SNRPF: variants seen among roughly 807,000 people sequenced by gnomAD.
SNRPF encodes small nuclear ribonucleoprotein polypeptide F.
A neutral mutation model predicts 13.4 loss-of-function variants in SNRPF; 1 was observed. The ratio of observed to expected loss-of-function variants is 0.07; its 90% confidence interval spans 0.03 to 0.35. The LOEUF is 0.35. Among genes scored for constraint, SNRPF ranks in the 10% least tolerant of loss-of-function variants. The probability of loss-of-function intolerance (pLI) is 0.99; values close to 1 mark genes in which losing one functional copy is unlikely to be tolerated. For synonymous variants in SNRPF, 27 were observed against 32.1 expected, an observed-to-expected ratio of 0.84 and a Z score of 0.54; for missense variants, 53 against 101.0, an observed-to-expected ratio of 0.52 and a Z score of 2.04.
chr12:95,861,324 T>C, intron 2 of SNRPF, 31 bp downstream of exon 2: 1 of 1,589,770 alleles, frequency 6.3e-7, no homozygotes. Context: ...GGTCATAACA[T>C]TGCATTTATT....
chr12:95,865,084 C>A, intron 2 of SNRPF: 1 of 314,578 alleles, frequency 3.2e-6, no homozygotes, highest in Non-Finnish European at 5.8e-6. Context: ...ATTACATAAC[C>A]TGGGAGATTC....
chr12:95,859,015 A>G lies in SNRPF; in HGVS notation c.-59A>G, dbSNP rs1257213990. The G allele has an allele frequency of 1.7e-5, 27 of 1,607,440 alleles. No individual in the cohort carries two copies. The highest frequency in any genetic ancestry group is 2.2e-5 in the Non-Finnish European group (26 of 1,178,008). ...ACCTGCGGTACCTGCTGTAGTCACGAGGGACGGGCGGCGGCCTGGTCGGCA... is the reference window on the plus strand; with the variant it reads ...ACCTGCGGTACCTGCTGTAGTCACGGGGGACGGGCGGCGGCCTGGTCGGCA... On this transcript the variant is annotated 5_prime_UTR_variant, in exon 1 of 4. Coordinates refer to ENST00000266735, the MANE Select transcript of SNRPF (RefSeq NM_003095.5).
chr12:95,861,361 T>C (rs999523221), intron 2 of SNRPF, 68 bp downstream of exon 2: 8 of 1,405,672 alleles, frequency 5.7e-6, no homozygotes, highest in Non-Finnish European at 6.9e-6. Flanking sequence ...CTCAAAGGTT[T>C]AGTCTGACTA....
At chr12:95,863,202 G>A (rs1465795661) in intron 2 of SNRPF, among the ~76,000 whole-genome samples, 1 of 152,074 alleles carries the variant, frequency 6.6e-6, no homozygotes, top group Non-Finnish European at 1.5e-5. Context: ...GGCCCCCAAA[G>A]CATAGTTTGA....
intron 2 of SNRPF, chr12:95,861,632 A>C: frequency 8.7e-6 from 2 of 230,912 alleles, no homozygotes; most frequent in South Asian, 1.0e-4. Context: ...TTCAAGTGAA[A>C]TTATTGAGTC....
Position 95,859,091 on chromosome 12 carries a change from A to C in SNRPF, c.3+15A>C. 1 of 1,609,732 alleles carries C rather than the reference A, an allele frequency of 6.2e-7. No homozygotes were observed. The highest frequency in any genetic ancestry group is 8.5e-7 in the Non-Finnish European group (1 of 1,177,268). On this transcript the variant is annotated intron_variant, in intron 1 of 3. Transcript: ENST00000266735. ...TGGTTACGATGGTAAGGAGAAAGAGAACGGCGGGAGAAGCGGGGAGAAAGA... is the reference window on the plus strand; with the variant it reads ...TGGTTACGATGGTAAGGAGAAAGAGCACGGCGGGAGAAGCGGGGAGAAAGA...
At chr12:95,859,175 C>A in intron 1 of SNRPF, 99 bp downstream of exon 1, 1 of 1,077,272 alleles carries the variant, frequency 9.3e-7, no homozygotes, top group Non-Finnish European at 1.4e-6. Flanking sequence ...TCCCATTCAT[C>A]CGCGTGAGGC....
chr12:95,860,101 T>A (rs994938559), intron 1 of SNRPF, among the ~76,000 whole-genome samples: 2 of 152,210 alleles, frequency 1.3e-5, no homozygotes, highest in African/African-American at 4.8e-5. Context: ...TCACTGGAGA[T>A]GTTAATGGTT....
intron 2 of SNRPF, 89 bp downstream of exon 2, chr12:95,861,382 A>G (rs544524947): frequency 1.6e-5 from 20 of 1,234,852 alleles, no homozygotes; most frequent in Middle Eastern, 2.5e-4. Context: ...ATAAGAATAC[A>G]TACAATTAAA....
At chr12:95,862,134 G>A (rs2079499251) in intron 2 of SNRPF, among the ~76,000 whole-genome samples, 1 of 152,154 alleles carries the variant, frequency 6.6e-6, no homozygotes, top group African/African-American at 2.4e-5. Context: ...ATCCTTTTGT[G>A]TCTGGCTTGT....
chr12:95,860,221 T>C lies in SNRPF; in HGVS notation c.4-947T>C, dbSNP rs115587396. Among the ~76,000 whole-genome samples the C allele has an allele frequency of 4.1e-3, 627 of 152,342 alleles. 1 individual carries two copies. The highest frequency in any genetic ancestry group is 0.015 in the African/African-American group (610 of 41,580). ...CCCAGTTAAATACTGTCAAGCGTGATCTGCCCTCTGCTTCCTTCTGTAGTT... is the reference window on the plus strand; with the variant it reads ...CCCAGTTAAATACTGTCAAGCGTGACCTGCCCTCTGCTTCCTTCTGTAGTT... On this transcript the variant is annotated intron_variant, in intron 1 of 3. Coordinates refer to ENST00000266735, the MANE Select transcript of SNRPF (RefSeq NM_003095.5).
intron 2 of SNRPF, 145 bp downstream of exon 2, chr12:95,861,438 G>T: frequency 1.6e-6 from 1 of 634,900 alleles, no homozygotes; most frequent in Non-Finnish European, 2.6e-6. Context: ...AAAGCCAGGA[G>T]GGATACTGTG....
At chr12:95,865,180 C>T (rs1329585213) in intron 2 of SNRPF, 144 bp from the exon 3 acceptor site, 5 of 431,702 alleles carry the variant, frequency 1.2e-5, no homozygotes, top group East Asian at 3.4e-5. Flanking sequence ...TAATAGAAAG[C>T]TCATCTTCTG....
At chr12:95,861,542 A>T (rs1170626600) in intron 2 of SNRPF, 3 of 295,506 alleles carry the variant, frequency 1.0e-5, no homozygotes, top group Middle Eastern at 1.1e-3. Context: ...CACTTGATTC[A>T]TAATAATACC....
At position 95,866,008 on chromosome 12, in the gene SNRPF, TA is replaced by T; in HGVS notation, c.200del (p.Asn67IlefsTer18). 1 of 1,491,304 alleles carries T rather than the reference TA, an allele frequency of 6.7e-7. No homozygotes were observed. Among genetic ancestry groups the T allele is most frequent in the Non-Finnish European group, 9.2e-7 (1 of 1,082,780 alleles). 92.4% of individuals were successfully genotyped at this position (1,491,304 alleles called of 1,614,324 possible). On this transcript the variant is annotated frameshift_variant, in exon 4 of 4. Transcript: ENST00000266735. LOFTEE classifies it high-confidence loss of function. ...AATCGACTTTTTCTATTTACAGGTG[TA>T]ATAATGTCCTTTATATCAGAGGTGT... ...GHLGEVLIRC[N>X]NVLYIRGVEE...
rs770369226 is a variant in SNRPF at position 95,859,048 on chromosome 12, G to C, written c.-26G>C. 3 of 1,612,580 alleles carry C rather than the reference G, an allele frequency of 1.9e-6. No homozygotes were observed. The highest frequency in any genetic ancestry group is 2.7e-5 in the African/African-American group (2 of 74,934). On this transcript the variant is annotated 5_prime_UTR_variant, in exon 1 of 4. Transcript: ENST00000266735. ...GCGGCGGCCTGGTCGGCAGAGAGTA[G>C]CCTGCAACATTCGGCCGTGGTTACG...
Position 95,861,236 on chromosome 12 carries a change from G to C in SNRPF, c.72G>C (p.Lys24Asn). 1 of 1,612,718 alleles carries C rather than the reference G, an allele frequency of 6.2e-7. No homozygotes were observed. The highest frequency in any genetic ancestry group is 1.3e-5 in the African/African-American group (1 of 75,008). Residue 24 changes from lysine (K) to asparagine (N), a missense_variant, in exon 2 of 4, where the codon AAG becomes AAC. Transcript: ENST00000266735. ...GAAAGCCAGTGATGGTGAAACTTAA[G>C]TGGGGAATGGAGTACAAGGGCTATC... ...LTGKPVMVKLKWGMEYKGYLV... is the reference protein window; with the variant it reads ...LTGKPVMVKLNWGMEYKGYLV...
chr12:95,865,923 T>C, intron 3 of SNRPF, 82 bp from the exon 4 acceptor site: 2 of 588,870 alleles, frequency 3.4e-6, no homozygotes, highest in Non-Finnish European at 6.0e-6. Context: ...TAGTATTCAG[T>C]ATTTTCATAA....
chr12:95,859,570 G>A (rs2079484471), intron 1 of SNRPF, among the ~76,000 whole-genome samples: 1 of 152,036 alleles, frequency 6.6e-6, no homozygotes, highest in Non-Finnish European at 1.5e-5. Context: ...AGTCAGAGAT[G>A]GCCTCCCTAG....
Sources: gnomAD v4.1 joint callset for allele counts (sites outside exome capture counted in the v4.1 genomes callset) on GRCh38, gnomAD v4.1.1 for gene constraint, MANE v1.5 for transcripts, NCBI Gene and HGNC (gene_info 2026-07-23, HGNC 2026-07-21) for gene names.